Variants in KANTR observed in about 807,000 individuals in gnomAD.
The protein encoded by KANTR is KDM5C adjacent transcript.
downstream of KANTR, among the ~76,000 whole-genome samples, chrX:53,145,183 C>T (rs894889068): frequency 9.0e-5 from 10 of 111,134 alleles, no homozygotes; most frequent in East Asian, 5.6e-4. Flanking sequence ...GTGCACTGAG[C>T]GTGAGCCAAA....
chrX:53,119,855 G>C (rs1556815225), intron 2 of KANTR, among the ~76,000 whole-genome samples: 1 of 109,267 alleles, frequency 9.2e-6, no homozygotes, highest in African/African-American at 3.3e-5. Context: ...GGGTAGCTGA[G>C]ACTACCATCA....
chrX:53,136,846 C>T (rs1220476861), intron 2 of KANTR, among the ~76,000 whole-genome samples: 1 of 99,407 alleles, frequency 1.0e-5, no homozygotes, highest in Non-Finnish European at 2.0e-5. Context: ...TAGGTTCAAA[C>T]AATTCTCCTG....
intron 2 of KANTR, among the ~76,000 whole-genome samples, chrX:53,115,816 C>T (rs1243075897): frequency 3.6e-5 from 4 of 112,242 alleles, no homozygotes; most frequent in Admixed American, 9.4e-5. Flanking sequence ...TTCTTATTTC[C>T]GTGCTACACC....
chrX:53,109,801 C>T (rs1345440800), intron 2 of KANTR, among the ~76,000 whole-genome samples: 3 of 104,130 alleles, frequency 2.9e-5, no homozygotes, highest in Non-Finnish European at 3.9e-5. Flanking sequence ...ATTGCCCAAG[C>T]GGGAGTGCAG....
intron 2 of KANTR, chrX:53,113,143 G>A: frequency 3.6e-6 from 1 of 275,682 alleles, no homozygotes; most frequent in South Asian, 4.8e-5. Context: ...GGGGATAGCA[G>A]TCAATTCCAG....
intron 2 of KANTR, among the ~76,000 whole-genome samples, chrX:53,139,065 C>CA (rs1340176072): frequency 1.8e-5 from 2 of 108,258 alleles, no homozygotes; most frequent in African/African-American, 6.8e-5. Flanking sequence ...ACTAAAAATA[C>CA]AAAAAATTAG....
intron 1 of KANTR, among the ~76,000 whole-genome samples, chrX:53,095,446 C>CT (rs1244947152): frequency 2.3e-4 from 24 of 102,602 alleles, no homozygotes; most frequent in African/African-American, 6.3e-4. Flanking sequence ...CCCAACATTG[C>CT]TTTTTTTTTT....
downstream of KANTR, chrX:53,142,808 C>CA (rs1556818667): frequency 2.1e-6 from 1 of 475,755 alleles, no homozygotes; most frequent in African/African-American, 2.4e-5. Flanking sequence ...GGCTAACCCA[C>CA]ATGCTTGCAG....
intron 2 of KANTR, among the ~76,000 whole-genome samples, chrX:53,115,407 T>C (rs1933108070): frequency 8.9e-6 from 1 of 111,827 alleles, no homozygotes; most frequent in Non-Finnish European, 1.9e-5. Flanking sequence ...AGCCCCATGC[T>C]GGGGATGGTC....
Position 53,120,402 on chromosome X carries a change from G to A in KANTR, c.-804-3067G>A, listed in dbSNP as rs1214850487. 3.6e-5 allele frequency among the ~76,000 whole-genome samples: 4 copies of A among 111,499 alleles called. No homozygotes were observed. In the South Asian group the frequency reaches 1.1e-3, roughly 32 times the overall value. ...CATGTTCTGTAAAAATGTTGGAATT[G>A]CAGTGAATCTGTAGATCATTTTGAA... On this transcript the variant is annotated intron_variant, in intron 2 of 2. Transcript: ENST00000604062.
chrX:53,121,680 C>T (rs1471186466), intron 2 of KANTR, among the ~76,000 whole-genome samples: 2 of 110,398 alleles, frequency 1.8e-5, no homozygotes, highest in Non-Finnish European at 3.8e-5. Flanking sequence ...TTTTTATGAC[C>T]TAACAGTTTT....
intron 2 of KANTR, among the ~76,000 whole-genome samples, chrX:53,111,200 A>G (rs1424718360): frequency 2.8e-5 from 3 of 107,425 alleles, no homozygotes; most frequent in African/African-American, 1.0e-4. Context: ...TTTTTTTTGT[A>G]GAGATGGGGT....
At chrX:53,120,306 G>A (rs1234486631) in intron 2 of KANTR, among the ~76,000 whole-genome samples, 6 of 111,962 alleles carry the variant, frequency 5.4e-5, no homozygotes, top group African/African-American at 1.9e-4. Flanking sequence ...AAAGTGCTGG[G>A]ATTACAGGTG....
intron 2 of KANTR, among the ~76,000 whole-genome samples, chrX:53,132,464 T>C (rs1186005745): frequency 3.6e-5 from 4 of 112,345 alleles, no homozygotes; most frequent in African/African-American, 1.3e-4. Flanking sequence ...TAATAAAAGA[T>C]GTTCAGATGT....
intron 2 of KANTR, among the ~76,000 whole-genome samples, chrX:53,120,866 G>A (rs1168993328): frequency 9.1e-6 from 1 of 109,305 alleles, no homozygotes; most frequent in Non-Finnish European, 1.9e-5. Context: ...GATTACAAGC[G>A]TGTGCCACCA....
intron 2 of KANTR, among the ~76,000 whole-genome samples, chrX:53,106,752 C>A (rs1282143270): frequency 9.1e-6 from 1 of 110,259 alleles, no homozygotes; most frequent in Non-Finnish European, 1.9e-5. Flanking sequence ...GTTTATTCTT[C>A]TGACATGGAT....
At chrX:53,131,247 A>G (rs1438384689), downstream of KANTR, among the ~76,000 whole-genome samples, 1 of 111,586 alleles carries the variant, frequency 9.0e-6, no homozygotes, top group Non-Finnish European at 1.9e-5. Flanking sequence ...TCCCAGACAC[A>G]GTCTAGAGGA....
downstream of KANTR, among the ~76,000 whole-genome samples, chrX:53,130,321 G>A (rs1556816814): frequency 8.9e-6 from 1 of 112,191 alleles, no homozygotes; most frequent in Admixed American, 9.4e-5. Flanking sequence ...GGCCAGGGGG[G>A]CCCTCTACTG....
At chrX:53,141,395 C>T (rs1021094651) in intron 2 of KANTR, among the ~76,000 whole-genome samples, 5 of 111,334 alleles carry the variant, frequency 4.5e-5, no homozygotes. Context: ...TGTTGGTGTG[C>T]ATATGTGTAG....
Sources: allele counts gnomAD v4.1 joint callset (sites outside exome capture counted in the v4.1 genomes callset), GRCh38; gene constraint gnomAD v4.1.1; transcripts MANE v1.5; gene names NCBI Gene and HGNC (gene_info 2026-07-23, HGNC 2026-07-21).